The following SEMA5A variants were observed in gnomAD, a reference collection of about 807,000 sequenced individuals.
SEMA5A encodes semaphorin 5A, also known as semaphorin-5A.
SEMA5A carries 55 observed loss-of-function variants against 135.5 expected under a neutral mutation model. That is an observed-to-expected ratio of 0.41 (90% CI 0.33 to 0.51). The LOEUF (loss-of-function observed/expected upper bound fraction) is 0.51, where lower values mean the gene tolerates loss of function less well. SEMA5A is among the 20% of genes least tolerant of loss of function. The pLI, the probability that SEMA5A is intolerant of heterozygous loss-of-function variation, is 0.37. For synonymous variants in SEMA5A, 580 were observed against 546.5 expected (o/e 1.06, Z -0.85); for missense variants, 1,290 against 1,419.9 (o/e 0.91, Z 1.47).
At chr5:9,357,558 A>G (rs972326514) in intron 3 of SEMA5A, among the ~76,000 whole-genome samples, 4 of 152,226 alleles carry the variant, frequency 2.6e-5, no homozygotes, top group African/African-American at 9.6e-5. Flanking sequence ...CATTAAAAAT[A>G]CCCAGGGAGA....
In SEMA5A at chr5:9,066,439, T is replaced by C; in HGVS notation, c.2281A>G (p.Ser761Gly). The C allele has an allele frequency of 1.1e-5, 17 of 1,614,192 alleles. No homozygotes were observed. Among genetic ancestry groups the C allele is most frequent in the Non-Finnish European group, 1.3e-5 (15 of 1,179,988 alleles). Reference protein sequence around the residue: ...EMRYCSSDGTSGCSTDGLSGD... With the variant: ...EMRYCSSDGTGGCSTDGLSGD... ...TACTCACCATCTGTGGAGCAGCCAC[T>C]GGTGCCGTCGCTAGAACAGTACCGC... Residue 761 changes from serine to glycine, a missense_variant, in exon 17 of 23, where the codon AGT (serine) becomes GGT (glycine). Around this residue, in one of 3 missense-constraint regions of SEMA5A, gnomAD observed 1,029 missense variants for 1,086.6 expected, o/e 0.95. Coordinates refer to ENST00000382496, the MANE Select transcript of SEMA5A (RefSeq NM_003966.3).
At chr5:9,377,907 G>A (rs1755433025) in intron 3 of SEMA5A, among the ~76,000 whole-genome samples, 1 of 152,164 alleles carries the variant, frequency 6.6e-6, no homozygotes, top group Non-Finnish European at 1.5e-5. Context: ...AAAAGGAATA[G>A]GAACATCTTG....
chr5:9,530,505 TGC>T (rs1221304916), intron 1 of SEMA5A, among the ~76,000 whole-genome samples: 3 of 152,194 alleles, frequency 2.0e-5, no homozygotes, highest in Non-Finnish European at 4.4e-5. Flanking sequence ...TAAAGTTATT[TGC>T]CAAAATGTAT....
chr5:9,305,579 T>A lies in SEMA5A; in HGVS notation c.270+12793A>T, dbSNP rs80274189. 3.2e-3 allele frequency among the ~76,000 whole-genome samples: 494 copies of A among 152,054 alleles called. 5 individuals are homozygous for A. The highest frequency in any genetic ancestry group is 0.011 in the African/African-American group (448 of 41,466). ...GATGTCACTATCCTTAAGGTTCTAG[T>A]TGTAAGCTGATTAGATACCAACAAA... On this transcript the variant is annotated intron_variant, in intron 5 of 22. Coordinates refer to ENST00000382496, the MANE Select transcript of SEMA5A (RefSeq NM_003966.3).
chr5:9,263,986 T>C (rs1300441143), intron 5 of SEMA5A, among the ~76,000 whole-genome samples: 2 of 152,220 alleles, frequency 1.3e-5, no homozygotes, highest in Non-Finnish European at 2.9e-5. Context: ...TCTAGTTTTG[T>C]TGTTGCCATT....
At chr5:9,443,091 T>C (rs1758299517) in intron 1 of SEMA5A, among the ~76,000 whole-genome samples, 1 of 152,248 alleles carries the variant, frequency 6.6e-6, no homozygotes, top group Admixed American at 6.5e-5. Flanking sequence ...TCACTGTCCG[T>C]AGCCTGGGTG....
intron 8 of SEMA5A, among the ~76,000 whole-genome samples, chr5:9,222,570 A>AG (rs1747067993): frequency 6.6e-6 from 1 of 152,202 alleles, no homozygotes; most frequent in South Asian, 2.1e-4. Flanking sequence ...CCTGAGTGGT[A>AG]GAGCCACCGT....
chr5:9,435,825 T>C (rs1318386403), intron 2 of SEMA5A, among the ~76,000 whole-genome samples: 1 of 152,214 alleles, frequency 6.6e-6, no homozygotes, highest in Non-Finnish European at 1.5e-5. Context: ...AGCGCCAAAA[T>C]GTTTTCTCAC....
intron 9 of SEMA5A, among the ~76,000 whole-genome samples, chr5:9,200,331 C>T (rs998244979): frequency 8.5e-5 from 13 of 152,118 alleles, no homozygotes; most frequent in African/African-American, 3.1e-4. Flanking sequence ...TGCAATATTC[C>T]AGGCATGGTA....
chr5:9,514,273 A>G (rs147490105), intron 1 of SEMA5A, among the ~76,000 whole-genome samples: 11 of 152,284 alleles, frequency 7.2e-5, no homozygotes, highest in Non-Finnish European at 1.6e-4. Flanking sequence ...ACAATGCAGA[A>G]TAATCTCTCA....
intron 1 of SEMA5A, among the ~76,000 whole-genome samples, chr5:9,440,892 C>T (rs532520226): frequency 2.6e-5 from 4 of 152,270 alleles, no homozygotes; most frequent in Non-Finnish European, 4.4e-5. Context: ...ATTTAGAAAC[C>T]GTACAACAGT....
intron 15 of SEMA5A, among the ~76,000 whole-genome samples, chr5:9,114,116 C>T (rs1194621086): frequency 1.3e-5 from 2 of 152,096 alleles, no homozygotes; most frequent in African/African-American, 4.8e-5. Flanking sequence ...TCTTATTCAG[C>T]CTTACAAAAG....
At chr5:9,182,578 T>G (rs1245031534) in intron 11 of SEMA5A, among the ~76,000 whole-genome samples, 1 of 152,098 alleles carries the variant, frequency 6.6e-6, no homozygotes, top group Admixed American at 6.5e-5. Context: ...AACCAATGTT[T>G]GCTTCATTGA....
intron 13 of SEMA5A, among the ~76,000 whole-genome samples, chr5:9,135,672 T>A (rs1579457577): frequency 6.6e-6 from 1 of 152,168 alleles, no homozygotes; most frequent in Admixed American, 6.5e-5. Context: ...ACAGCAGAAC[T>A]GATGGGCAGA....
At chr5:9,195,856 C>T (rs78358756) in intron 10 of SEMA5A, among the ~76,000 whole-genome samples, 53 of 152,304 alleles carry the variant, frequency 3.5e-4, no homozygotes, top group African/African-American at 1.3e-3. Flanking sequence ...GATACAGGAC[C>T]CACTTCTACC....
chr5:9,484,101 T>C (rs1361032220), intron 1 of SEMA5A, among the ~76,000 whole-genome samples: 2 of 152,212 alleles, frequency 1.3e-5, no homozygotes, highest in East Asian at 3.8e-4. Context: ...TAAAATGAAT[T>C]CTTGATAGCC....
At chr5:9,129,304 A>G (rs1741279421) in intron 13 of SEMA5A, among the ~76,000 whole-genome samples, 1 of 152,260 alleles carries the variant, frequency 6.6e-6, no homozygotes, top group Non-Finnish European at 1.5e-5. Flanking sequence ...CTGGCAGGGT[A>G]AGAATGTGAG....
intron 2 of SEMA5A, among the ~76,000 whole-genome samples, chr5:9,381,986 G>GCA (rs1245655860): frequency 1.2e-4 from 8 of 69,436 alleles, no homozygotes; most frequent in African/African-American, 5.9e-4. Context: ...GTGTGTGCGC[G>GCA]CGCGCGCACA....
chr5:9,450,634 C>T (rs3822799), intron 1 of SEMA5A, among the ~76,000 whole-genome samples: 14,160 of 151,874 alleles, frequency 0.093, 811 homozygotes, highest in African/African-American at 0.15. Flanking sequence ...CAGTCAGCCA[C>T]AGAGAAAAGT....
Sources: allele counts gnomAD v4.1 joint callset (sites outside exome capture counted in the v4.1 genomes callset), GRCh38; gene constraint gnomAD v4.1.1; regional missense constraint gnomAD v4.1.1; transcripts MANE v1.5; gene names NCBI Gene and HGNC (gene_info 2026-07-23, HGNC 2026-07-21).